Variants in FBN3 observed in about 807,000 individuals in gnomAD.
FBN3 encodes the protein fibrillin 3, also known as fibrillin-3.
FBN3 carries 234 observed loss-of-function variants against 330.1 expected under a neutral mutation model. That is an observed-to-expected ratio of 0.71 (90% CI 0.64 to 0.79). The LOEUF (loss-of-function observed/expected upper bound fraction) is 0.79, where lower values mean the gene tolerates loss of function less well. Among genes scored for constraint, FBN3 ranks in the 30% least tolerant of loss-of-function variants. The probability of loss-of-function intolerance (pLI) is 0.00; values close to 1 mark genes in which losing one functional copy is unlikely to be tolerated. For missense variants in FBN3, 3,606 were observed against 3,886.9 expected (o/e 0.93, Z 1.92); for synonymous variants, 1,458 against 1,517.3 (o/e 0.96, Z 0.91).
rs2082187465 is a variant in FBN3, at chr19:8,095,376, C to G, written c.5784G>C (p.Val1928=). The G allele has an allele frequency of 6.2e-7, 1 of 1,613,000 alleles. No homozygotes were observed. The highest frequency in any genetic ancestry group is 1.3e-5 in the African/African-American group (1 of 75,024). ...FELTADGKNC[V]DTNECLSLAG... ...TCCGAGCACCATAGGCAGACTCACC[C>G]ACACAGTTCTTCCCATCAGCTGTGA... Residue 1928 remains valine (V), a splice_region_variant and synonymous_variant, in exon 46 of 64, where the codon GTG becomes GTC. Transcript: ENST00000600128.
chr19:8,122,880 G>A (rs796424391), intron 24 of FBN3, among the ~76,000 whole-genome samples: 12 of 148,282 alleles, frequency 8.1e-5, no homozygotes, highest in African/African-American at 3.0e-4. Flanking sequence ...AGCCAGGATG[G>A]TCTCGATCTC....
chr19:8,098,477 GTGTCCATCAGTGGGGGACTGGA>G, intron 41 of FBN3, among the ~76,000 whole-genome samples: 10 of 149,614 alleles, frequency 6.7e-5, no homozygotes, highest in East Asian at 4.0e-4. Flanking sequence ...AACAAACTAA[GTGTCCATCAGTGGGGGACTGGA>G]AACAAACTAA....
chr19:8,069,217 C>T (rs1013846562), intron 63 of FBN3, among the ~76,000 whole-genome samples: 1 of 152,128 alleles, frequency 6.6e-6, no homozygotes, highest in Non-Finnish European at 1.5e-5. Flanking sequence ...CTTTGAGAGC[C>T]CCTTGTGTGC....
intron 63 of FBN3, among the ~76,000 whole-genome samples, chr19:8,070,654 G>A (rs1195671058): frequency 2.6e-5 from 4 of 152,192 alleles, no homozygotes; most frequent in Non-Finnish European, 2.9e-5. Context: ...GAACCACCAC[G>A]TTCAAGTTCT....
rs187636590 is a variant in FBN3 at position 8,110,471 on chromosome 19, C to T, written c.4333+374G>A. Reference sequence around the variant, plus strand: ...AATAAAGTTTTATTGGTACAGGGGCCACATTCATTCATTTACATATTGCTT... The same window carrying T: ...AATAAAGTTTTATTGGTACAGGGGCTACATTCATTCATTTACATATTGCTT... On this transcript the variant is annotated intron_variant, in intron 34 of 63. Transcript: ENST00000600128. 1.6e-3 allele frequency among the ~76,000 whole-genome samples: 250 copies of T among 152,316 alleles called. 2 individuals carry two copies. Among genetic ancestry groups the T allele is most frequent in the African/African-American group, 5.7e-3 (237 of 41,568 alleles).
At chr19:8,083,128 A>G in intron 57 of FBN3, 119 bp downstream of exon 57, 1 of 1,254,238 alleles carries the variant, frequency 8.0e-7, no homozygotes, top group Admixed American at 1.8e-5. Context: ...TTTGGGCACC[A>G]CTTTGTAAAT....
rs1449411961 is a variant in FBN3 at position 8,129,136 on chromosome 19, G to A, written c.2188C>T (p.Leu730Phe). 6.2e-7 allele frequency: 1 copy of A among 1,613,024 alleles called. No homozygotes were observed. Among genetic ancestry groups the A allele is most frequent in the Non-Finnish European group, 8.5e-7 (1 of 1,179,954 alleles). ...CCGTTGTCACACAGGAGGCTGTTGAGGGCACACTCATCCACGTCTGTGGGG... is the reference window on the plus strand; with the variant it reads ...CCGTTGTCACACAGGAGGCTGTTGAAGGCACACTCATCCACGTCTGTGGGG... ...KDCTDVDECA[L>F]NSLLCDNGWC... Residue 730 changes from leucine to phenylalanine, a missense_variant, in exon 18 of 64, where the codon CTC becomes TTC. By Grantham distance (22) the Leu-to-Phe change is conservative. Transcript: ENST00000600128. The surrounding 1 kb of genome is among the most constrained non-coding windows in gnomAD (Gnocchi z 4.5).
At chr19:8,076,982 G>A (rs986815527) in intron 59 of FBN3, among the ~76,000 whole-genome samples, 14 of 152,054 alleles carry the variant, frequency 9.2e-5, no homozygotes, top group African/African-American at 3.4e-4. Context: ...CAGGCTGGTC[G>A]CAAACTCCTG....
At chr19:8,102,988 C>T (rs941438578) in intron 39 of FBN3, 115 bp from the exon 40 acceptor site, 2 of 1,141,086 alleles carry the variant, frequency 1.8e-6, no homozygotes, top group East Asian at 2.4e-5. Context: ...CTGGCTTGTC[C>T]AGGCACAGTG....
At position 8,125,930 on chromosome 19, in the gene FBN3, T is replaced by C; in HGVS notation, c.2693A>G (p.Glu898Gly). ...TAGSFRCECP[E>G]GLMLDASGRL... ...GCCTGAGGCGTCCAGCATCAGGCCC[T>C]CTGGACACTCACAGCGGAAAGACCC... is the stretch of plus-strand genomic sequence containing the variant. The change falls in exon 22 of 64, where the codon GAG (glutamate) becomes GGG (glycine). Residue 898 changes from glutamate (E) to glycine (G), a missense_variant. Glu to Gly is a moderately conservative substitution (Grantham distance 98). Transcript: ENST00000600128. 1 of 1,613,676 alleles carries C rather than the reference T, an allele frequency of 6.2e-7. No homozygotes were observed. The highest frequency in any genetic ancestry group is 8.5e-7 in the Non-Finnish European group (1 of 1,179,994).
intron 39 of FBN3, 47 bp downstream of exon 39, chr19:8,103,515 G>C (rs4289098): frequency 6.3e-7 from 1 of 1,590,532 alleles, no homozygotes; most frequent in East Asian, 2.3e-5. Flanking sequence ...CCATGCCCAG[G>C]TGCTGCTTCT....
intron 30 of FBN3, among the ~76,000 whole-genome samples, chr19:8,113,794 C>T (rs998867766): frequency 2.1e-5 from 3 of 140,416 alleles, no homozygotes; most frequent in African/African-American, 8.0e-5. Flanking sequence ...TACTTGAGTC[C>T]AGGAGTTCAA....
Position 8,108,214 on chromosome 19 carries a change from C to T in FBN3, c.4643G>A (p.Gly1548Asp). 1 of 1,613,002 alleles carries T rather than the reference C, an allele frequency of 6.2e-7. No individual in the cohort carries two copies. The highest frequency in any genetic ancestry group is 8.5e-7 in the Non-Finnish European group (1 of 1,179,612). ...GCGGTTAGGCTGGAAGCCCTCACCA[C>T]CCGGGCACAGGGTTCTGTACTCAGC... ...NTTEYRTLCP[G>D]GEGFQPNRIT... Residue 1548 changes from glycine (G) to aspartate (D), a missense_variant, in exon 37 of 64, where the codon GGT becomes GAT. Coordinates refer to ENST00000600128, the MANE Select transcript of FBN3 (RefSeq NM_032447.5).
In FBN3 at chr19:8,138,455, C is replaced by A. The variant is rs1404787402; in HGVS notation, c.975G>T (p.Trp325Cys). 4 of 1,613,214 alleles carry A rather than the reference C, an allele frequency of 2.5e-6. No homozygotes were observed. In the African/African-American group the frequency reaches 4.0e-5, roughly 16 times the overall value. ...ACAGCTCAGGGACCGGGCCAGCTGCCCAGCACCTGCCCCTGTCACAGCAGC... is the reference window on the plus strand; with the variant it reads ...ACAGCTCAGGGACCGGGCCAGCTGCACAGCACCTGCCCCTGTCACAGCAGC... ...RQCCCDRGRC[W>C]AAGPVPELCP... The change falls in exon 9 of 64, where the codon TGG becomes TGT. Residue 325 changes from tryptophan to cysteine, a missense_variant. By Grantham distance (215) the Trp-to-Cys change is radical. Transcript: ENST00000600128.
chr19:8,149,250 G>T lies in FBN3; in HGVS notation c.-18+199C>A, dbSNP rs1599465700. 1.3e-5 allele frequency among the ~76,000 whole-genome samples: 2 copies of T among 151,408 alleles called. No homozygotes were observed. The highest frequency in any genetic ancestry group is 2.4e-5 in the African/African-American group (1 of 41,306). ...CCCGCGCCCCGGCCGAGCCCCTCCCGCCGGGTCCCCGCGCCCCCACTCCCC... is the reference window on the plus strand; with the variant it reads ...CCCGCGCCCCGGCCGAGCCCCTCCCTCCGGGTCCCCGCGCCCCCACTCCCC... On this transcript the variant is annotated intron_variant, in intron 1 of 63. Coordinates refer to ENST00000600128, the MANE Select transcript of FBN3 (RefSeq NM_032447.5). This position sits in a 1 kb window ranked among gnomAD's most constrained non-coding sequence, Gnocchi z 5.5.
rs74810618 is a variant in FBN3 at position 8,116,887 on chromosome 19, G to A, written c.3587-88C>T. ...TGCTCCCCAGGCCCCAGGACGACCT[G>A]TAGCCAGGTGAGGATAGCGATGGTC... On this transcript the variant is annotated intron_variant, in intron 28 of 63. Transcript: ENST00000600128. 3.5e-3 allele frequency: 5,239 copies of A among 1,497,852 alleles called. 161 individuals carry two copies. The African/African-American group carries it at 0.066, about 19-fold the overall frequency. 92.8% of individuals were successfully genotyped at this position (1,497,852 alleles called of 1,614,324 possible). A position where few individuals can be genotyped will look rare whatever the true frequency, so the allele number is the denominator to read the frequency against.
At position 8,109,192 on chromosome 19, in the gene FBN3, A is replaced by G. The variant is rs2082518469; in HGVS notation, c.4618+35T>C. The G allele has an allele frequency of 6.3e-7, 1 of 1,598,894 alleles. No homozygotes were observed. The highest frequency in any genetic ancestry group is 8.6e-7 in the Non-Finnish European group (1 of 1,168,972). On this transcript the variant is annotated intron_variant, in intron 36 of 63. Coordinates refer to ENST00000600128, the MANE Select transcript of FBN3 (RefSeq NM_032447.5). The surrounding 1 kb of genome is among the most constrained non-coding windows in gnomAD (Gnocchi z 5.2). Reference sequence around the variant, plus strand: ...CTAAGCTCCCGGGCCTCGGTGGCTTAGGTCACGGTGTTCAACTGCCCCGCA... The same window carrying G: ...CTAAGCTCCCGGGCCTCGGTGGCTTGGGTCACGGTGTTCAACTGCCCCGCA...
chr19:8,135,935 T>TTGCC, intron 13 of FBN3, 26 bp downstream of exon 13: 1 of 1,344,156 alleles, frequency 7.4e-7, no homozygotes, highest in Non-Finnish European at 1.0e-6. Flanking sequence ...CGGAAGCCCC[T>TTGCC]GCCCACCCGC....
Position 8,111,696 on chromosome 19 carries a change from G to A in FBN3, c.4036C>T (p.Arg1346Cys), listed in dbSNP as rs749453532. 1.9e-6 allele frequency: 3 copies of A among 1,600,536 alleles called. No individual in the cohort carries two copies. Among genetic ancestry groups the A allele is most frequent in the Admixed American group, 1.7e-5 (1 of 59,452 alleles). ...GDCLNVPGSY[R>C]CTCRQGFAGD... ...GCAAAGCCCTGGCGGCAGGTGCAGC[G>A]GTAGGAGCCAGGGACATTGAGACAG... The change falls in exon 32 of 64, where the codon CGC becomes TGC. Residue 1346 changes from arginine (R) to cysteine (C), a missense_variant. Physicochemically the swap from Arg to Cys is radical, Grantham distance 180 (BLOSUM62 -3). Coordinates refer to ENST00000600128, the MANE Select transcript of FBN3 (RefSeq NM_032447.5).
Sources: gnomAD v4.1 joint callset for allele counts (sites outside exome capture counted in the v4.1 genomes callset) on GRCh38, gnomAD v4.1.1 for gene constraint, Gnocchi (gnomAD v3.1) non-coding constraint, MANE v1.5 for transcripts, NCBI Gene and HGNC (gene_info 2026-07-23, HGNC 2026-07-21) for gene names.